RABEP1: variants seen among roughly 807,000 people sequenced by gnomAD.
The protein encoded by RABEP1 is rabaptin, RAB GTPase binding effector protein 1.
Under a neutral mutation model 123.4 loss-of-function variants are expected in RABEP1, and 51 were observed. The observed-to-expected ratio is 0.41, with a 90% CI of 0.33 to 0.52. RABEP1 has a LOEUF of 0.52. Ranked by LOEUF, RABEP1 falls within the 20% of genes least tolerant of loss-of-function variation. The pLI is 0.16. For synonymous variants in RABEP1, 347 were observed against 355.2 expected, an observed-to-expected ratio of 0.98 and a Z score of 0.26; for missense variants, 888 against 996.3, an observed-to-expected ratio of 0.89 and a Z score of 1.46.
chr17:5,378,081 T>A, intron 14 of RABEP1, 96 bp from the exon 15 acceptor site: 1 of 902,436 alleles, frequency 1.1e-6, no homozygotes, highest in East Asian at 2.5e-5. Context: ...CAGCATACAT[T>A]TGAATCCTTT....
rs536487654 is a variant in RABEP1, at chr17:5,377,148, G to A, written c.2058G>A (p.Glu686=). Residue 686 remains glutamate, a synonymous_variant, in exon 14 of 18, where the codon GAG becomes GAA. Coordinates refer to ENST00000537505, the MANE Select transcript of RABEP1 (RefSeq NM_004703.6). Reference sequence around the variant, plus strand: ...GGGAGTTGGTATTAAAATACCGTGAGGACATCATTAATGTGCGGACAGCAG... The same window carrying A: ...GGGAGTTGGTATTAAAATACCGTGAAGACATCATTAATGTGCGGACAGCAG... ...ALRELVLKYR[E]DIINVRTAAD... is the part of the protein sequence containing the mutation. The A allele has an allele frequency of 7.5e-6, 12 of 1,605,424 alleles. No individual in the cohort carries two copies. In the East Asian group the frequency reaches 1.1e-4, roughly 15 times the overall value.
At chr17:5,346,326 T>G (rs1908057246) in intron 5 of RABEP1, among the ~76,000 whole-genome samples, 1 of 152,248 alleles carries the variant, frequency 6.6e-6, no homozygotes, top group Non-Finnish European at 1.5e-5. Flanking sequence ...TGTGAAAATG[T>G]CTTCTTTTTA....
chr17:5,323,109 A>G (rs1286086430), intron 2 of RABEP1, among the ~76,000 whole-genome samples: 1 of 152,178 alleles, frequency 6.6e-6, no homozygotes, highest in Non-Finnish European at 1.5e-5. Context: ...CAAAAACTGT[A>G]TGGTTATATC....
intron 15 of RABEP1, chr17:5,378,518 T>C (rs1023460603): frequency 8.3e-6 from 4 of 479,716 alleles, no homozygotes; most frequent in South Asian, 2.2e-5. Flanking sequence ...TAACATGTTA[T>C]ATGCTTAGAG....
intron 2 of RABEP1, 31 bp from the exon 3 acceptor site, chr17:5,331,918 T>G: frequency 6.3e-7 from 1 of 1,593,538 alleles, no homozygotes; most frequent in East Asian, 2.2e-5. Flanking sequence ...AAAGTGAACA[T>G]TAATGGACTA....
At chr17:5,320,428 A>AG (rs2075342395) in intron 2 of RABEP1, among the ~76,000 whole-genome samples, 1 of 132,090 alleles carries the variant, frequency 7.6e-6, no homozygotes, top group African/African-American at 2.6e-5. Flanking sequence ...CACCAAAAAA[A>AG]AAAAAAAAAA....
At chr17:5,370,289 A>G (rs1016006180) in intron 12 of RABEP1, among the ~76,000 whole-genome samples, 2 of 152,218 alleles carry the variant, frequency 1.3e-5, no homozygotes, top group South Asian at 4.1e-4. Context: ...GAGTTATTGT[A>G]GACATGACAG....
At position 5,374,499 on chromosome 17, in the gene RABEP1, T is replaced by C. The variant is rs1910817888; in HGVS notation, c.2025+1045T>C. 1.3e-5 allele frequency among the ~76,000 whole-genome samples: 2 copies of C among 151,594 alleles called. 1 individual carries two copies. The highest frequency in any genetic ancestry group is 4.9e-5 in the African/African-American group (2 of 41,132). The stretch of plus-strand genomic sequence containing the variant: ...TCCCCTAGGCTGGAGTGCAGTGGTG[T>C]GATCTTGGCTCACTGCAACCTCCGC... On this transcript the variant is annotated intron_variant, in intron 13 of 17. Coordinates refer to ENST00000537505, the MANE Select transcript of RABEP1 (RefSeq NM_004703.6).
At chr17:5,350,711 G>C in intron 7 of RABEP1, 82 bp downstream of exon 7, 1 of 1,446,286 alleles carries the variant, frequency 6.9e-7, no homozygotes. Context: ...ATGTGTATTA[G>C]AGACTGACTT....
At chr17:5,374,966 G>A (rs1258874362) in intron 13 of RABEP1, among the ~76,000 whole-genome samples, 2 of 152,022 alleles carry the variant, frequency 1.3e-5, no homozygotes, top group Non-Finnish European at 1.5e-5. Context: ...TAGTAGAGAT[G>A]CGGTTTCGCC....
intron 2 of RABEP1, among the ~76,000 whole-genome samples, chr17:5,310,055 G>T (rs1395060563): frequency 6.6e-6 from 1 of 152,180 alleles, no homozygotes; most frequent in Admixed American, 6.5e-5. Context: ...GTGGAGCCCA[G>T]AAATTTGCAT....
Position 5,378,195 on chromosome 17 carries a change from A to G in RABEP1, c.2234A>G (p.Lys745Arg), listed in dbSNP as rs1327742557. The change falls in exon 15 of 18, where the codon AAA becomes AGA. Residue 745 changes from lysine (K) to arginine (R), a missense_variant. Physicochemically the swap from Lys to Arg is conservative, Grantham distance 26. Coordinates refer to ENST00000537505, the MANE Select transcript of RABEP1 (RefSeq NM_004703.6). The stretch of plus-strand genomic sequence containing the variant: ...CTTCTAGCTTCTATTTCTAGCCTAA[A>G]AGCTGAATTAGAAAGAATAAAAGTG... The part of the protein sequence containing the change: ...KEEIASISSL[K>R]AELERIKVEK... The G allele has an allele frequency of 1.4e-5, 22 of 1,591,334 alleles. No homozygotes were observed. The highest frequency in any genetic ancestry group is 1.5e-5 in the Non-Finnish European group (17 of 1,159,584).
chr17:5,368,857 C>T (rs905342079), intron 12 of RABEP1, among the ~76,000 whole-genome samples: 2 of 152,120 alleles, frequency 1.3e-5, no homozygotes, highest in African/African-American at 4.8e-5. Flanking sequence ...TTTAGAATAA[C>T]CTTATTAGGG....
intron 7 of RABEP1, among the ~76,000 whole-genome samples, chr17:5,352,779 C>G (rs1024126487): frequency 6.6e-6 from 1 of 151,884 alleles, no homozygotes; most frequent in Non-Finnish European, 1.5e-5. Context: ...TGCAGTGAGC[C>G]GAGATCACAT....
intron 13 of RABEP1, among the ~76,000 whole-genome samples, chr17:5,374,615 A>G (rs1910830111): frequency 6.7e-6 from 1 of 148,566 alleles, no homozygotes; most frequent in South Asian, 2.1e-4. Flanking sequence ...TTGTTTCTGT[A>G]TTTTTATTTT....
intron 1 of RABEP1, among the ~76,000 whole-genome samples, chr17:5,302,647 C>G (rs536831694): frequency 1.1e-4 from 15 of 142,492 alleles, no homozygotes; most frequent in Admixed American, 2.2e-4. Flanking sequence ...ACTGCAGCCT[C>G]AACCTCCCAG....
intron 13 of RABEP1, among the ~76,000 whole-genome samples, chr17:5,375,385 G>A (rs1182501344): frequency 6.6e-6 from 1 of 152,050 alleles, no homozygotes; most frequent in South Asian, 2.1e-4. Flanking sequence ...ATTGGTGACT[G>A]CTGTCATCAA....
intron 3 of RABEP1, among the ~76,000 whole-genome samples, chr17:5,334,286 C>T (rs916293215): frequency 4.0e-5 from 6 of 151,846 alleles, no homozygotes; most frequent in South Asian, 2.1e-4. Context: ...GGCTGGAGTG[C>T]GGTGGCATGA....
At chr17:5,376,727 C>T (rs1911026035) in intron 13 of RABEP1, among the ~76,000 whole-genome samples, 1 of 152,200 alleles carries the variant, frequency 6.6e-6, no homozygotes, top group Non-Finnish European at 1.5e-5. Context: ...ACACTTGCTA[C>T]TGAGTGTGAA....
Sources: allele counts gnomAD v4.1 joint callset (sites outside exome capture counted in the v4.1 genomes callset), GRCh38; gene constraint gnomAD v4.1.1; transcripts MANE v1.5; gene names NCBI Gene and HGNC (gene_info 2026-07-23, HGNC 2026-07-21).